Variants in PTPRZ1 observed in about 807,000 individuals in gnomAD.
PTPRZ1 encodes receptor-type tyrosine-protein phosphatase zeta.
In PTPRZ1, 82 loss-of-function variants were observed where a neutral mutation model predicts 214.1. The ratio of observed to expected loss-of-function variants is 0.38; its 90% CI spans 0.32 to 0.46. PTPRZ1 has a LOEUF of 0.46. Ranked by LOEUF, PTPRZ1 falls within the 20% of genes least tolerant of loss-of-function variation. PTPRZ1 has a pLI of 1.00. For missense variants in PTPRZ1, 2,603 were observed against 2,748.7 expected (o/e 0.95, Z 1.19); for synonymous variants, 945 against 987.9 (o/e 0.96, Z 0.81).
At chr7:121,979,623 T>C (rs1338435573) in intron 6 of PTPRZ1, among the ~76,000 whole-genome samples, 1 of 152,192 alleles carries the variant, frequency 6.6e-6, no homozygotes, top group Non-Finnish European at 1.5e-5. Context: ...CCCCATCTTT[T>C]TTCTTCCACC....
At chr7:121,926,637 G>T (rs376978045) in intron 1 of PTPRZ1, among the ~76,000 whole-genome samples, 3 of 152,258 alleles carry the variant, frequency 2.0e-5, no homozygotes, top group East Asian at 3.9e-4. Context: ...TTTTCCTAGG[G>T]CTGGGGGATG....
chr7:121,984,483 G>T (rs1797708365), intron 8 of PTPRZ1, among the ~76,000 whole-genome samples: 1 of 152,122 alleles, frequency 6.6e-6, no homozygotes, highest in African/African-American at 2.4e-5. Context: ...TGAATAAGAG[G>T]CTGAGGTGTT....
At chr7:121,919,640 TTTTTA>T (rs1444370458) in intron 1 of PTPRZ1, among the ~76,000 whole-genome samples, 1 of 152,100 alleles carries the variant, frequency 6.6e-6, no homozygotes, top group Non-Finnish European at 1.5e-5. Context: ...TTGTAATTTA[TTTTTA>T]TGTATGTGTC....
intron 2 of PTPRZ1, among the ~76,000 whole-genome samples, chr7:121,944,143 T>C (rs941684032): frequency 1.3e-5 from 2 of 152,182 alleles, no homozygotes; most frequent in African/African-American, 2.4e-5. Flanking sequence ...TTTACCTACA[T>C]AGGGAAATTC....
At chr7:122,047,934 A>T (rs962973672) in intron 23 of PTPRZ1, among the ~76,000 whole-genome samples, 1 of 152,152 alleles carries the variant, frequency 6.6e-6, no homozygotes, top group Non-Finnish European at 1.5e-5. Context: ...AATTATAGCC[A>T]TGAGCCACTG....
At chr7:122,002,724 T>A (rs1248338663) in intron 10 of PTPRZ1, among the ~76,000 whole-genome samples, 1 of 152,198 alleles carries the variant, frequency 6.6e-6, no homozygotes, top group Non-Finnish European at 1.5e-5. Flanking sequence ...GTTAGACCAT[T>A]TTTTAAAAAT....
chr7:122,043,692 G>C (rs1469212172), intron 22 of PTPRZ1, among the ~76,000 whole-genome samples: 1 of 152,108 alleles, frequency 6.6e-6, no homozygotes, highest in Non-Finnish European at 1.5e-5. Flanking sequence ...ACTTATAAGT[G>C]GGAGCTAAAT....
At position 122,055,096 on chromosome 7, in the gene PTPRZ1, A is replaced by G. The variant is rs760441663; in HGVS notation, c.6528+9A>G. On this transcript the variant is annotated intron_variant, in intron 27 of 29. Transcript: ENST00000393386. ...TCTTAGAAGCTACACAGGTAAGGAT[A>G]TAAGTTAAATGACAAACTTTTTATC... is the stretch of plus-strand genomic sequence containing the variant. The G allele has an allele frequency of 2.6e-6, 4 of 1,524,150 alleles. No individual in the cohort carries two copies. In the Admixed American group the frequency reaches 6.2e-5, roughly 24 times the overall value. The allele number at this position is 1,524,150 out of a possible 1,614,324, so 94.4% of individuals were successfully genotyped here. A position where few individuals can be genotyped will look rare whatever the true frequency, so the allele number is the denominator to read the frequency against.
chr7:121,907,068 A>T (rs1165314069), intron 1 of PTPRZ1, among the ~76,000 whole-genome samples: 4 of 152,100 alleles, frequency 2.6e-5, no homozygotes, highest in African/African-American at 9.6e-5. Flanking sequence ...TCTATTTGTT[A>T]TTATCAAAAT....
chr7:122,000,702 T>TATATATATATATATATA (rs1798297116), intron 10 of PTPRZ1, among the ~76,000 whole-genome samples: 1 of 121,064 alleles, frequency 8.3e-6, no homozygotes, highest in African/African-American at 3.2e-5. Flanking sequence ...TATATATATA[T>TATATATATATATATATA]TTGAGGTGGA....
chr7:122,014,564 G>A (rs926033667), intron 12 of PTPRZ1, among the ~76,000 whole-genome samples: 28 of 152,058 alleles, frequency 1.8e-4, no homozygotes, highest in Admixed American at 1.2e-3. Context: ...TCAGCCTCCC[G>A]AGTAGCTGAG....
rs138667815 is a variant in PTPRZ1 at position 121,952,515 on chromosome 7, G to T, written c.125-15436G>T. Reference sequence around the variant, plus strand: ...GCAGTAGAATCACTTGAGCCCAGGAGTTCAAGGCTTCAGTGAGCTACAGTC... The same window carrying T: ...GCAGTAGAATCACTTGAGCCCAGGATTTCAAGGCTTCAGTGAGCTACAGTC... On this transcript the variant is annotated intron_variant, in intron 2 of 29. Coordinates refer to ENST00000393386, the MANE Select transcript of PTPRZ1 (RefSeq NM_002851.3). Among the ~76,000 whole-genome samples the T allele has an allele frequency of 3.4e-3, 512 of 152,204 alleles. 3 individuals carry two copies. The highest frequency in any genetic ancestry group is 0.011 in the African/African-American group (463 of 41,524).
At chr7:121,940,007 G>T (rs1009258503) in intron 2 of PTPRZ1, among the ~76,000 whole-genome samples, 1 of 152,154 alleles carries the variant, frequency 6.6e-6, no homozygotes, top group Non-Finnish European at 1.5e-5. Flanking sequence ...CCTAAGATCT[G>T]TAGGTGAAGG....
At chr7:122,046,856 G>A (rs985537672) in intron 23 of PTPRZ1, among the ~76,000 whole-genome samples, 19 of 152,176 alleles carry the variant, frequency 1.2e-4, no homozygotes, top group African/African-American at 4.3e-4. Context: ...ATTTGGGAGT[G>A]ATCAGCGTAG....
At chr7:121,912,381 T>C (rs1269815134) in intron 1 of PTPRZ1, among the ~76,000 whole-genome samples, 1 of 152,190 alleles carries the variant, frequency 6.6e-6, no homozygotes, top group East Asian at 1.9e-4. Context: ...TTTTATTCAT[T>C]GTGTTAAATA....
intron 6 of PTPRZ1, among the ~76,000 whole-genome samples, chr7:121,981,236 G>A (rs760686282): frequency 1.5e-4 from 23 of 151,994 alleles, no homozygotes; most frequent in Admixed American, 8.5e-4. Flanking sequence ...CTGCATGTTT[G>A]CATCACCTGG....
At chr7:121,988,475 C>T (rs909318501) in intron 8 of PTPRZ1, among the ~76,000 whole-genome samples, 2 of 152,120 alleles carry the variant, frequency 1.3e-5, no homozygotes, top group African/African-American at 2.4e-5. Flanking sequence ...TGCCCTTATG[C>T]GTATAGGGCC....
intron 10 of PTPRZ1, 62 bp downstream of exon 10, chr7:121,998,068 A>G: frequency 1.3e-6 from 2 of 1,489,740 alleles, no homozygotes; most frequent in Admixed American, 4.0e-5. Flanking sequence ...TAATTACTGT[A>G]TGCATTGATG....
chr7:122,020,029 A>G (rs1798968841), intron 13 of PTPRZ1, among the ~76,000 whole-genome samples: 1 of 152,192 alleles, frequency 6.6e-6, no homozygotes, highest in African/African-American at 2.4e-5. Context: ...GGCATAGCAT[A>G]GTACTTTTAT....
Sources: gnomAD v4.1 joint callset for allele counts (sites outside exome capture counted in the v4.1 genomes callset) on GRCh38, gnomAD v4.1.1 for gene constraint, MANE v1.5 for transcripts, NCBI Gene and HGNC (gene_info 2026-07-23, HGNC 2026-07-21) for gene names.